Variants in SYN2 observed in about 807,000 individuals in gnomAD.
SYN2 encodes the protein synapsin-2.
SYN2 carries 19 observed loss-of-function variants against 50.9 expected under a neutral mutation model. That is an observed-to-expected ratio of 0.37 (90% CI 0.26 to 0.55). The LOEUF is 0.55. Among genes scored for constraint, SYN2 ranks in the 20% least tolerant of loss-of-function variants. The probability of loss-of-function intolerance (pLI) is 0.81; values close to 1 mark genes in which losing one functional copy is unlikely to be tolerated. For missense variants in SYN2, 587 were observed against 576.4 expected (o/e 1.02, Z -0.19); for synonymous variants, 255 against 224.9 (o/e 1.13, Z -1.20).
intron 1 of SYN2, among the ~76,000 whole-genome samples, chr3:12,053,603 A>G (rs1694920034): frequency 6.6e-6 from 1 of 151,836 alleles, no homozygotes; most frequent in Non-Finnish European, 1.5e-5. Context: ...TTATTCTCAT[A>G]TATGTTTCTT....
intron 1 of SYN2, among the ~76,000 whole-genome samples, chr3:12,115,172 A>G (rs1390815983): frequency 1.3e-5 from 2 of 152,230 alleles, no homozygotes; most frequent in African/African-American, 4.8e-5. Context: ...CAGTCAGGTA[A>G]GTGACTTGTG....
At chr3:12,028,561 T>C (rs1403489082) in intron 1 of SYN2, among the ~76,000 whole-genome samples, 2 of 147,808 alleles carry the variant, frequency 1.4e-5, no homozygotes, top group Admixed American at 6.7e-5. Context: ...TTTTAATGAT[T>C]GCCATTCTAA....
Position 12,004,853 on chromosome 3 carries a change from A to ACGCGCCCGCTCC in SYN2, c.312_323dup (p.Pro105_Ala108dup), listed in dbSNP as rs1401462560. The ACGCGCCCGCTCC allele has an allele frequency of 4.8e-5, 26 of 546,832 alleles. No individual in the cohort carries two copies. The highest frequency in any genetic ancestry group is 3.8e-4 in the African/African-American group (19 of 49,834). 33.9% of individuals were successfully genotyped at this position (546,832 alleles called of 1,614,324 possible). The stretch of plus-strand genomic sequence containing the variant: ...ACGGCCGCCTCGGCTGGCCTGGTGG[A>ACGCGCCCGCTCC]CGCGCCCGCTCCCGCGCCCGCAGCC... On this transcript the variant is annotated inframe_insertion, in exon 1 of 13. Transcript: ENST00000621198.
At position 12,126,085 on chromosome 3, in the gene SYN2, C is replaced by T. The variant is rs568463891; in HGVS notation, c.378-14566C>T. Reference sequence around the variant, plus strand: ...GGGGAAAGCTACTCTTGGCCTCAGGCTTTTAGCTGTATTTTAGGAAACTCT... The same window carrying T: ...GGGGAAAGCTACTCTTGGCCTCAGGTTTTTAGCTGTATTTTAGGAAACTCT... On this transcript the variant is annotated intron_variant, in intron 1 of 12. Transcript: ENST00000621198. 2.0e-5 allele frequency among the ~76,000 whole-genome samples: 3 copies of T among 152,268 alleles called. No individual in the cohort carries two copies. In the East Asian group the frequency reaches 5.8e-4, roughly 29 times the overall value.
chr3:12,019,827 C>T (rs1477149203), intron 1 of SYN2, among the ~76,000 whole-genome samples: 3 of 152,138 alleles, frequency 2.0e-5, no homozygotes, highest in Admixed American at 6.5e-5. Context: ...AGAGAGCTTG[C>T]GATTTTGCTT....
At chr3:12,051,401 G>A (rs1217779577) in intron 1 of SYN2, among the ~76,000 whole-genome samples, 1 of 42,186 alleles carries the variant, frequency 2.4e-5, no homozygotes, top group Non-Finnish European at 5.4e-5. Flanking sequence ...TCTGGCAGAG[G>A]CACAGAGCTA....
At chr3:12,022,448 G>A (rs751227942) in intron 1 of SYN2, among the ~76,000 whole-genome samples, 41 of 151,742 alleles carry the variant, frequency 2.7e-4, no homozygotes, top group Non-Finnish European at 5.4e-4. Flanking sequence ...TTGCTCTTTT[G>A]CCAGGCTGGA....
At chr3:12,084,745 A>G (rs116673242) in intron 1 of SYN2, among the ~76,000 whole-genome samples, 2,481 of 152,312 alleles carry the variant, frequency 0.016, 60 homozygotes, top group African/African-American at 0.056. Flanking sequence ...GTTAGATGTG[A>G]TACCAAACAC....
chr3:12,011,727 C>T (rs557812203), intron 1 of SYN2, among the ~76,000 whole-genome samples: 1 of 152,186 alleles, frequency 6.6e-6, no homozygotes, highest in Non-Finnish European at 1.5e-5. Context: ...TACATAATCT[C>T]CTTGAGCCTT....
At chr3:12,079,871 G>A (rs1695550454) in intron 1 of SYN2, among the ~76,000 whole-genome samples, 1 of 152,120 alleles carries the variant, frequency 6.6e-6, no homozygotes, top group Non-Finnish European at 1.5e-5. Context: ...AGTTTCAGAA[G>A]AAAGGGTATC....
intron 1 of SYN2, among the ~76,000 whole-genome samples, chr3:12,078,697 GTTACTGTAGCCTT>G (rs1482638318): frequency 6.6e-6 from 1 of 152,084 alleles, no homozygotes; most frequent in Admixed American, 6.6e-5. Context: ...TGCTGTTTTG[GTTACTGTAGCCTT>G]TTAATGTAGC....
intron 11 of SYN2, chr3:12,183,574 T>C (rs1489088954): frequency 6.7e-7 from 1 of 1,498,722 alleles, no homozygotes; most frequent in Non-Finnish European, 8.8e-7. Flanking sequence ...ACTGTGTTTT[T>C]CCTATGCAGT....
intron 5 of SYN2, chr3:12,157,482 A>G: frequency 1.2e-6 from 2 of 1,614,028 alleles, no homozygotes; most frequent in Non-Finnish European, 1.7e-6. Flanking sequence ...GGCCCGAATC[A>G]CTGCATAGGA....
intron 1 of SYN2, among the ~76,000 whole-genome samples, chr3:12,074,565 C>T (rs886731839): frequency 6.6e-5 from 10 of 152,266 alleles, no homozygotes; most frequent in South Asian, 2.1e-4. Context: ...AAAACAACTC[C>T]GCAGTCTTGT....
intron 1 of SYN2, among the ~76,000 whole-genome samples, chr3:12,115,685 A>C (rs1696418551): frequency 6.6e-6 from 1 of 152,258 alleles, no homozygotes; most frequent in African/African-American, 2.4e-5. Flanking sequence ...GTTCTGGCTG[A>C]TGGTCTTTGA....
At chr3:12,177,342 A>T (rs1438820024) in intron 10 of SYN2, among the ~76,000 whole-genome samples, 2 of 152,198 alleles carry the variant, frequency 1.3e-5, no homozygotes, top group African/African-American at 4.8e-5. Context: ...CTTATCAGCC[A>T]TTGTTAGTGT....
chr3:12,021,320 T>C (rs1323301842), intron 1 of SYN2, among the ~76,000 whole-genome samples: 1 of 152,252 alleles, frequency 6.6e-6, no homozygotes, highest in Non-Finnish European at 1.5e-5. Context: ...AAGGTTTTTT[T>C]CTATTATATT....
At chr3:12,116,481 A>C (rs1423536810) in intron 1 of SYN2, among the ~76,000 whole-genome samples, 1 of 152,194 alleles carries the variant, frequency 6.6e-6, no homozygotes, top group East Asian at 1.9e-4. Context: ...ACTTTTTGCT[A>C]GAGAGCTATA....
chr3:12,029,346 A>G (rs1336760411), intron 1 of SYN2, among the ~76,000 whole-genome samples: 1 of 126,416 alleles, frequency 7.9e-6, no homozygotes, highest in Non-Finnish European at 1.5e-5. Context: ...CTTAGGATTG[A>G]CTTGGTGATG....
Sources: allele counts gnomAD v4.1 joint callset (sites outside exome capture counted in the v4.1 genomes callset), GRCh38; gene constraint gnomAD v4.1.1; transcripts MANE v1.5; gene names NCBI Gene and HGNC (gene_info 2026-07-23, HGNC 2026-07-21).